The following PCSK5 variants were observed in gnomAD, a reference collection of about 807,000 sequenced individuals.
PCSK5 encodes prohormone convertase 5.
A neutral mutation model predicts 233.2 loss-of-function variants in PCSK5; 129 were observed. The observed-to-expected ratio is 0.55, with a 90% CI of 0.48 to 0.64. PCSK5 has a LOEUF of 0.64. PCSK5 is among the 30% of genes least tolerant of loss of function. The probability of loss-of-function intolerance (pLI) is 0.00; values close to 1 mark genes in which losing one functional copy is unlikely to be tolerated. For synonymous variants in PCSK5, 825 were observed against 879.2 expected (o/e 0.94, Z 1.09); for missense variants, 2,076 against 2,430.1 (o/e 0.85, Z 3.06).
At chr9:75,974,660 G>A (rs1825939486) in intron 2 of PCSK5, among the ~76,000 whole-genome samples, 2 of 152,120 alleles carry the variant, frequency 1.3e-5, no homozygotes, top group African/African-American at 4.8e-5. Flanking sequence ...CAGGAAAAAG[G>A]AAAATATAAT....
intron 32 of PCSK5, among the ~76,000 whole-genome samples, chr9:76,325,109 A>T (rs925294155): frequency 1.3e-5 from 2 of 152,054 alleles, no homozygotes; most frequent in Admixed American, 1.3e-4. Context: ...ATATGTGAAA[A>T]GGCGTGGATG....
chr9:76,025,358 A>G (rs1243609203), intron 4 of PCSK5, among the ~76,000 whole-genome samples: 2 of 151,782 alleles, frequency 1.3e-5, no homozygotes, highest in East Asian at 3.9e-4. Flanking sequence ...ACCAGCCTGG[A>G]AAACAGCAAG....
chr9:76,000,120 G>A (rs1450155874), intron 3 of PCSK5, among the ~76,000 whole-genome samples: 1 of 152,088 alleles, frequency 6.6e-6, no homozygotes, highest in Non-Finnish European at 1.5e-5. Context: ...AGGATGATAT[G>A]TCTCTTACAT....
At chr9:75,937,585 A>G (rs924473188) in intron 2 of PCSK5, among the ~76,000 whole-genome samples, 6 of 152,212 alleles carry the variant, frequency 3.9e-5, no homozygotes, top group Admixed American at 1.3e-4. Flanking sequence ...CACGAGAGGT[A>G]TCCTATCCTT....
chr9:76,239,218 G>A (rs1458911875), intron 23 of PCSK5, 53 bp downstream of exon 23: 19 of 1,419,958 alleles, frequency 1.3e-5, no homozygotes, highest in East Asian at 2.5e-5. Flanking sequence ...AGGAGGGGCT[G>A]CACCCTGGAT....
intron 14 of PCSK5, 54 bp from the exon 15 acceptor site, chr9:76,179,542 C>A: frequency 1.5e-6 from 2 of 1,295,054 alleles, no homozygotes; most frequent in Non-Finnish European, 2.2e-6. Flanking sequence ...CAAGGTAAAG[C>A]TGACCTGCTC....
intron 2 of PCSK5, among the ~76,000 whole-genome samples, chr9:75,981,366 T>C (rs779723063): frequency 6.6e-6 from 1 of 152,328 alleles, no homozygotes; most frequent in East Asian, 1.9e-4. Flanking sequence ...CAAGATCACA[T>C]AGGTGACTGG....
intron 35 of PCSK5, among the ~76,000 whole-genome samples, chr9:76,343,695 T>C (rs559333705): frequency 6.6e-6 from 1 of 152,246 alleles, no homozygotes; most frequent in South Asian, 2.1e-4. Flanking sequence ...TTTGCATGGC[T>C]ACCTCTTTCT....
rs1826163481 is a variant in PCSK5 at position 76,233,593 on chromosome 9, G to C, written c.2863G>C (p.Ala955Pro). 1.2e-6 allele frequency: 2 copies of C among 1,609,172 alleles called. No homozygotes were observed. The highest frequency in any genetic ancestry group is 1.3e-5 in the African/African-American group (1 of 74,922). ...CCCTACCCACTGCACCTCCTGTGGA[G>C]CAGGTGAGAGACTGCTGCTCCTCCG... Reference protein sequence around the residue: ...SGPTHCTSCGADNYGREHFLY... With the variant: ...SGPTHCTSCGPDNYGREHFLY... The change falls in exon 22 of 38, where the codon GCA becomes CCA. Residue 955 changes from alanine to proline, a missense_variant. Physicochemically the swap from Ala to Pro is conservative, Grantham distance 27 (BLOSUM62 -1). Around this residue, in one of 6 missense-constraint regions of PCSK5, gnomAD observed 1,510 missense variants for 1,538.1 expected, o/e 0.98. Transcript: ENST00000674117.
At chr9:76,347,456 C>T (rs1487748425) in intron 35 of PCSK5, among the ~76,000 whole-genome samples, 1 of 152,126 alleles carries the variant, frequency 6.6e-6, no homozygotes, top group Non-Finnish European at 1.5e-5. Context: ...TCTGGGTACC[C>T]TAAGTGTGCA....
chr9:76,335,070 C>T (rs1173911253), intron 34 of PCSK5, among the ~76,000 whole-genome samples: 1 of 152,084 alleles, frequency 6.6e-6, no homozygotes, highest in Non-Finnish European at 1.5e-5. Context: ...AGAACAAGAC[C>T]CTGTCTTAAA....
intron 21 of PCSK5, among the ~76,000 whole-genome samples, chr9:76,231,441 A>G (rs1295211286): frequency 1.3e-5 from 2 of 152,238 alleles, no homozygotes; most frequent in African/African-American, 4.8e-5. Context: ...GCTATAAAAG[A>G]TAAAATGATG....
At chr9:76,333,942 G>A (rs760134987) in intron 34 of PCSK5, among the ~76,000 whole-genome samples, 1 of 152,084 alleles carries the variant, frequency 6.6e-6, no homozygotes, top group Non-Finnish European at 1.5e-5. Flanking sequence ...TTGTTTTCAC[G>A]CGGCTGATAA....
intron 9 of PCSK5, among the ~76,000 whole-genome samples, chr9:76,118,268 AC>A (rs1312970720): frequency 6.6e-6 from 1 of 152,118 alleles, no homozygotes; most frequent in African/African-American, 2.4e-5. Context: ...AAGGTGAATA[AC>A]AATGGCAATG....
In PCSK5 at chr9:76,016,736, G is replaced by A. The variant is rs369271103; in HGVS notation, c.412-7002G>A. Among the ~76,000 whole-genome samples the A allele has an allele frequency of 2.6e-5, 4 of 152,246 alleles. No individual in the cohort carries two copies. In the East Asian group the frequency reaches 5.8e-4, roughly 22 times the overall value. On this transcript the variant is annotated intron_variant, in intron 3 of 37. Coordinates refer to ENST00000674117, the MANE Select transcript of PCSK5 (RefSeq NM_001372043.1). ...TTAAGACTGAAAGTTTCTAATGCAC[G>A]ATGGGTCAGGTTTGGAAAGATTCAA...
rs780809147 is a variant in PCSK5 at position 76,239,043 on chromosome 9, C to T, written c.2951C>T (p.Thr984Ile). ...PEGHYATEGN[T>I]CLPCPDNCEL... ...GGCCACTATGCCACTGAGGGGAACA[C>T]CTGCCTGCCCTGCCCAGACAACTGT... The change falls in exon 23 of 38, where the codon ACC becomes ATC. Residue 984 changes from threonine (T) to isoleucine (I), a missense_variant. Thr to Ile is a moderately conservative substitution (Grantham distance 89). Coordinates refer to ENST00000674117, the MANE Select transcript of PCSK5 (RefSeq NM_001372043.1). 1.2e-5 allele frequency: 19 copies of T among 1,611,614 alleles called. No individual in the cohort carries two copies. The highest frequency in any genetic ancestry group is 1.4e-5 in the Non-Finnish European group (17 of 1,179,472).
At chr9:75,991,040 A>G (rs1826746989) in intron 3 of PCSK5, among the ~76,000 whole-genome samples, 1 of 152,178 alleles carries the variant, frequency 6.6e-6, no homozygotes. Flanking sequence ...TTTCATGTGT[A>G]TTATCTTATC....
intron 5 of PCSK5, among the ~76,000 whole-genome samples, chr9:76,040,415 A>G (rs1238531886): frequency 2.4e-5 from 2 of 84,442 alleles, no homozygotes; most frequent in South Asian, 4.0e-4. Context: ...CTCTCTCTCA[A>G]CAGGTCTTTC....
intron 24 of PCSK5, among the ~76,000 whole-genome samples, chr9:76,254,327 T>C (rs1826908564): frequency 6.6e-6 from 1 of 152,230 alleles, no homozygotes; most frequent in East Asian, 1.9e-4. Context: ...ATTGTGTGTT[T>C]GTACATGAAA....
Sources: gnomAD v4.1 joint callset for allele counts (sites outside exome capture counted in the v4.1 genomes callset) on GRCh38, gnomAD v4.1.1 for gene constraint, gnomAD v4.1.1 regional missense constraint, MANE v1.5 for transcripts, NCBI Gene and HGNC (gene_info 2026-07-23, HGNC 2026-07-21) for gene names.